The following AP1M1 variants were observed in gnomAD, a reference collection of about 807,000 sequenced individuals.
AP1M1 encodes AP-1 complex subunit mu-1.
A neutral mutation model predicts 57.1 loss-of-function variants in AP1M1; 18 were observed. That is an observed-to-expected ratio of 0.32 (90% confidence interval 0.22 to 0.47). The LOEUF (loss-of-function observed/expected upper bound fraction) is 0.47, where lower values mean the gene tolerates loss of function less well. AP1M1 is among the 20% of genes least tolerant of loss of function. AP1M1 has a pLI of 1.00. For synonymous variants in AP1M1, 241 were observed against 237.9 expected, an observed-to-expected ratio of 1.01 and a Z score of -0.12; for missense variants, 362 against 593.5, an observed-to-expected ratio of 0.61 and a Z score of 4.05.
In AP1M1 at chr19:16,203,679, C is replaced by T; in HGVS notation, c.199+64C>T. 1.3e-6 allele frequency: 2 copies of T among 1,507,398 alleles called. No homozygotes were observed. Among genetic ancestry groups the T allele is most frequent in the Non-Finnish European group, 1.8e-6 (2 of 1,112,166 alleles). The allele number at this position is 1,507,398 out of a possible 1,614,324, so 93.4% of individuals were successfully genotyped here. ...GTGGGTGTTGGTGTGTGTGCATATC[C>T]ACACGCCTGCAAGCAGGGCTGGTTT... On this transcript the variant is annotated intron_variant, in intron 2 of 11. Transcript: ENST00000291439. This position sits in a 1 kb window ranked among gnomAD's most constrained non-coding sequence, Gnocchi z 4.6.
At chr19:16,208,256 C>G in intron 4 of AP1M1, 107 bp downstream of exon 4, 1 of 1,263,852 alleles carries the variant, frequency 7.9e-7, no homozygotes, top group Non-Finnish European at 1.1e-6. Flanking sequence ...TGTTGTCCCC[C>G]ACCTGCCTCC....
chr19:16,198,001 C>T lies in AP1M1; in HGVS notation c.-26C>T, dbSNP rs777929833. 2.6e-6 allele frequency: 4 copies of T among 1,564,158 alleles called. No homozygotes were observed. The highest frequency in any genetic ancestry group is 3.4e-6 in the Non-Finnish European group (4 of 1,159,562). ...CGCTGCCGCCGCCACCGCCCTCGGCCGCTGCCGAGGCCTCCTGCAGCCATC... is the reference window on the plus strand; with the variant it reads ...CGCTGCCGCCGCCACCGCCCTCGGCTGCTGCCGAGGCCTCCTGCAGCCATC... On this transcript the variant is annotated 5_prime_UTR_variant, in exon 1 of 12. Coordinates refer to ENST00000291439, the MANE Select transcript of AP1M1 (RefSeq NM_032493.4).
rs2091576009 is a variant in AP1M1 at position 16,227,411 on chromosome 19, G to T, written c.674-137G>T. The T allele has an allele frequency of 4.1e-6, 4 of 969,264 alleles. No individual in the cohort carries two copies. The highest frequency in any genetic ancestry group is 3.2e-5 in the South Asian group (2 of 63,422). The allele number at this position is 969,264 out of a possible 1,614,324, so 60.0% of individuals were successfully genotyped here. A position where few individuals can be genotyped will look rare whatever the true frequency, so the allele number is the denominator to read the frequency against. ...GTTGTCTTGGGACCCAGCCCCCTTG[G>T]TGTTTGTGGCCCAGGCTGCTCTCAG... On this transcript the variant is annotated intron_variant, in intron 6 of 11. Coordinates refer to ENST00000291439, the MANE Select transcript of AP1M1 (RefSeq NM_032493.4). The surrounding 1 kb of genome is among the most constrained non-coding windows in gnomAD (Gnocchi z 6.2).
chr19:16,204,467 G>A (rs1281006174), intron 2 of AP1M1, among the ~76,000 whole-genome samples: 2 of 152,204 alleles, frequency 1.3e-5, no homozygotes, highest in African/African-American at 2.4e-5. Context: ...CCACAGTTCA[G>A]TGGGAACAAC....
intron 5 of AP1M1, among the ~76,000 whole-genome samples, chr19:16,219,807 C>A (rs745495916): frequency 4.6e-5 from 7 of 152,224 alleles, no homozygotes; most frequent in Non-Finnish European, 1.0e-4. Flanking sequence ...TGACTGCAAC[C>A]TGTCACATGA....
chr19:16,234,341 G>A (rs2091613877), intron 11 of AP1M1, 67 bp downstream of exon 11: 7 of 1,612,502 alleles, frequency 4.3e-6, no homozygotes, highest in Non-Finnish European at 5.9e-6. Flanking sequence ...CCCCAGGGTG[G>A]AGCCATCGGG....
rs147795014 is a variant in AP1M1 at position 16,226,543 on chromosome 19, G to C, written c.669G>C (p.Thr223=). The change falls in exon 6 of 12, where the codon ACG becomes ACC. Residue 223 remains threonine, a synonymous_variant. Coordinates refer to ENST00000291439, the MANE Select transcript of AP1M1 (RefSeq NM_032493.4). ...GLNDKVLFDN[T]GRGKSKSVEL... ...ACGACAAGGTCCTCTTTGACAACAC[G>C]GGCCGTGAGTACCCTTGCCAAGGGC... 3 of 1,582,946 alleles carry C rather than the reference G, an allele frequency of 1.9e-6. No individual in the cohort carries two copies. The highest frequency in any genetic ancestry group is 2.6e-6 in the Non-Finnish European group (3 of 1,160,956).
chr19:16,239,657 T>C lies in AP1M1; in HGVS notation c.*5222T>C. The C allele has an allele frequency of 6.6e-6, 1 of 151,850 alleles. No homozygotes were observed. The highest frequency in any genetic ancestry group is 1.9e-4 in the East Asian group (1 of 5,150). 9.4% of individuals were successfully genotyped at this position (151,850 alleles called of 1,614,324 possible). On this transcript the variant is annotated 3_prime_UTR_variant, in exon 12 of 12. Coordinates refer to ENST00000291439, the MANE Select transcript of AP1M1 (RefSeq NM_032493.4). Reference sequence around the variant, plus strand: ...AGAATTAGCTGGGCGTAGTGGCTCATACCTGTAATCCCAGCTACTCAGGTG... The same window carrying C: ...AGAATTAGCTGGGCGTAGTGGCTCACACCTGTAATCCCAGCTACTCAGGTG...
In AP1M1 at chr19:16,197,975, T is replaced by TCGCTCCCGCCGCCACCGCCCTCGTC; in HGVS notation, c.-48_-47insCCCGCCGCCACCGCCCTCGTCCGCT. On this transcript the variant is annotated 5_prime_UTR_variant, in exon 1 of 12. Coordinates refer to ENST00000291439, the MANE Select transcript of AP1M1 (RefSeq NM_032493.4). ...GCTCAACGCCCAGCAGTCCCCACCG[T>TCGCTCCCGCCGCCACCGCCCTCGTC]CGCTGCCGCCGCCACCGCCCTCGGC... 1 of 1,451,820 alleles carries TCGCTCCCGCCGCCACCGCCCTCGTC rather than the reference T, an allele frequency of 6.9e-7. No homozygotes were observed. Among genetic ancestry groups the TCGCTCCCGCCGCCACCGCCCTCGTC allele is most frequent in the Admixed American group, 2.4e-5 (1 of 42,448 alleles). The allele number at this position is 1,451,820 out of a possible 1,614,324, so 89.9% of individuals were successfully genotyped here.
rs1474029488 is a variant in AP1M1 at position 16,243,488 on chromosome 19, A to G, written c.*9053A>G. The G allele has an allele frequency of 7.1e-6, 1 of 141,062 alleles. No homozygotes were observed. The highest frequency in any genetic ancestry group is 1.5e-5 in the Non-Finnish European group (1 of 65,572). 8.7% of individuals were successfully genotyped at this position (141,062 alleles called of 1,614,324 possible). A position where few individuals can be genotyped will look rare whatever the true frequency, so the allele number is the denominator to read the frequency against. On this transcript the variant is annotated 3_prime_UTR_variant, in exon 12 of 12. Coordinates refer to ENST00000291439, the MANE Select transcript of AP1M1 (RefSeq NM_032493.4). The stretch of plus-strand genomic sequence containing the variant: ...GAGATGGAGTTTTGCCATGTTGCCC[A>G]GGCTGGTCTTGCACTTGGGCTCAAG...
At position 16,207,959 on chromosome 19, in the gene AP1M1, C is replaced by A. The variant is rs895488304; in HGVS notation, c.268-60C>A. On this transcript the variant is annotated intron_variant, in intron 3 of 11. Transcript: ENST00000291439. The surrounding 1 kb of genome is among the most constrained non-coding windows in gnomAD (Gnocchi z 4.2). ...GAATGTGTGCAAGCGTTCATTCATT[C>A]CTCATCCGTCCGCTCAATGATCTGC... 29 of 1,564,116 alleles carry A rather than the reference C, an allele frequency of 1.9e-5. No homozygotes were observed. Among genetic ancestry groups the A allele is most frequent in the Non-Finnish European group, 2.5e-5 (29 of 1,154,346 alleles).
intron 10 of AP1M1, 143 bp from the exon 11 acceptor site, chr19:16,234,056 C>G: frequency 2.6e-6 from 2 of 773,526 alleles, no homozygotes; most frequent in Non-Finnish European, 4.1e-6. Context: ...CCAGACAAAT[C>G]CCTTTCACCC....
At chr19:16,225,163 A>T (rs1004155464) in intron 5 of AP1M1, among the ~76,000 whole-genome samples, 1 of 152,152 alleles carries the variant, frequency 6.6e-6, no homozygotes, top group Non-Finnish European at 1.5e-5. Flanking sequence ...CAGTTTTCCC[A>T]ATTCCCTCAG....
chr19:16,231,237 A>G (rs10405556), intron 9 of AP1M1, among the ~76,000 whole-genome samples: 100,288 of 146,918 alleles, frequency 0.68, 35,821 homozygotes, highest in Non-Finnish European at 0.8. Context: ...GCAGTGAGCC[A>G]AGATTGCACC....
chr19:16,234,395 C>T lies in AP1M1; in HGVS notation c.1250-18C>T, dbSNP rs771138980. The T allele has an allele frequency of 1.2e-6, 2 of 1,613,990 alleles. No homozygotes were observed. The highest frequency in any genetic ancestry group is 2.7e-5 in the African/African-American group (2 of 75,036). Reference sequence around the variant, plus strand: ...GAGGGTGCAGAGCCCAGCATGACGCCTCCCTCCTGTCTCCTAGATTACCAG... The same window carrying T: ...GAGGGTGCAGAGCCCAGCATGACGCTTCCCTCCTGTCTCCTAGATTACCAG... On this transcript the variant is annotated intron_variant, in intron 11 of 11. Coordinates refer to ENST00000291439, the MANE Select transcript of AP1M1 (RefSeq NM_032493.4).
At position 16,244,882 on chromosome 19, in the gene AP1M1, T is replaced by TTTTTTG. The variant is rs370663435; in HGVS notation, c.*10449_*10450insTTTGTT. On this transcript the variant is annotated 3_prime_UTR_variant, in exon 12 of 12. Coordinates refer to ENST00000291439, the MANE Select transcript of AP1M1 (RefSeq NM_032493.4). ...TAAATAACATGGATAAAATTTGTTG[T>TTTTTTG]TTGTTGTTGTTGTTGTTGTTGTTGT... 0.13 allele frequency: 18,738 copies of TTTTTTG among 149,566 alleles called. 1,893 individuals are homozygous for TTTTTTG. Among genetic ancestry groups the TTTTTTG allele is most frequent in the East Asian group, 0.26 (1,310 of 5,070 alleles). 9.3% of individuals were successfully genotyped at this position (149,566 alleles called of 1,614,324 possible).
intron 1 of AP1M1, among the ~76,000 whole-genome samples, chr19:16,200,647 C>T (rs1041411089): frequency 6.6e-5 from 10 of 152,198 alleles, no homozygotes; most frequent in Admixed American, 2.0e-4. Flanking sequence ...TTCATGGCCA[C>T]GTGTCTGGTC....
intron 5 of AP1M1, among the ~76,000 whole-genome samples, chr19:16,212,533 C>A (rs1025271785): frequency 2.6e-5 from 4 of 152,088 alleles, no homozygotes; most frequent in African/African-American, 9.7e-5. Context: ...CTTATTCATT[C>A]TTTTAAAACA....
rs948446588 is a variant in AP1M1 at position 16,244,462 on chromosome 19, G to C, written c.*10027G>C. 2 of 152,148 alleles carry C rather than the reference G, an allele frequency of 1.3e-5. No homozygotes were observed. Among genetic ancestry groups the C allele is most frequent in the African/African-American group, 4.8e-5 (2 of 41,434 alleles). The allele number at this position is 152,148 out of a possible 1,614,324, so 9.4% of individuals were successfully genotyped here. A position where few individuals can be genotyped will look rare whatever the true frequency, so the allele number is the denominator to read the frequency against. On this transcript the variant is annotated 3_prime_UTR_variant, in exon 12 of 12. Transcript: ENST00000291439. ...AATCTAGACAAAGATTGCATAAACA[G>C]TTTCTGGAGTTTTTTTAAGTGATAG...
Sources: gnomAD v4.1 joint callset for allele counts (sites outside exome capture counted in the v4.1 genomes callset) on GRCh38, gnomAD v4.1.1 for gene constraint, Gnocchi (gnomAD v3.1) non-coding constraint, MANE v1.5 for transcripts, NCBI Gene and HGNC (gene_info 2026-07-23, HGNC 2026-07-21) for gene names.